The following DTNA variants were observed in gnomAD, a reference collection of about 807,000 sequenced individuals.
DTNA encodes the protein dystrophin-related protein 3.
In DTNA, 43 loss-of-function variants were observed where a neutral mutation model predicts 100.7. The ratio of observed to expected loss-of-function variants is 0.43; its 90% CI spans 0.33 to 0.55. The LOEUF (loss-of-function observed/expected upper bound fraction) is 0.55. Ranked by LOEUF, DTNA falls within the 20% of genes least tolerant of loss-of-function variation. The pLI is 0.04. For missense variants in DTNA, 798 were observed against 953.9 expected (o/e 0.84, Z 2.15); for synonymous variants, 349 against 347.9 (o/e 1.00, Z -0.04).
At chr18:34,494,287 C>A (rs2038923191) in intron 1 of DTNA, among the ~76,000 whole-genome samples, 1 of 144,058 alleles carries the variant, frequency 6.9e-6, no homozygotes, top group Non-Finnish European at 1.5e-5. Context: ...TTGCAGCCAG[C>A]GGCGTCCTTT....
chr18:34,533,439 T>C (rs1001305140), intron 1 of DTNA, among the ~76,000 whole-genome samples: 1 of 151,754 alleles, frequency 6.6e-6, no homozygotes, highest in East Asian at 1.9e-4. Flanking sequence ...CCCCAGTGTC[T>C]GATGTCTTCT....
chr18:34,741,215 C>T (rs1485611567), intron 1 of DTNA, among the ~76,000 whole-genome samples: 1 of 151,994 alleles, frequency 6.6e-6, no homozygotes, highest in Non-Finnish European at 1.5e-5. Context: ...ATAAAGTTCC[C>T]AGGAGCAGGC....
At chr18:34,836,872 A>G (rs554233556) in intron 11 of DTNA, among the ~76,000 whole-genome samples, 1 of 152,216 alleles carries the variant, frequency 6.6e-6, no homozygotes, top group African/African-American at 2.4e-5. Flanking sequence ...AATATACACT[A>G]TTATAAAGCA....
intron 4 of DTNA, among the ~76,000 whole-genome samples, chr18:34,796,424 C>G (rs2094972125): frequency 6.6e-6 from 1 of 152,206 alleles, no homozygotes. Context: ...GCGTGGAAAT[C>G]TGATGCCACT....
intron 3 of DTNA, among the ~76,000 whole-genome samples, chr18:34,790,346 G>GAATA (rs1555797391): frequency 5.9e-5 from 7 of 118,492 alleles, no homozygotes; most frequent in Admixed American, 7.7e-5. Flanking sequence ...CATGCAAGGG[G>GAATA]TATAAAACCC....
intron 1 of DTNA, among the ~76,000 whole-genome samples, chr18:34,669,554 A>G (rs534151794): frequency 6.6e-6 from 1 of 152,178 alleles, no homozygotes; most frequent in East Asian, 1.9e-4. Context: ...TGTTTTTGCA[A>G]TGGCTGGTAA....
intron 16 of DTNA, among the ~76,000 whole-genome samples, chr18:34,859,291 G>A (rs974392701): frequency 2.6e-5 from 4 of 151,628 alleles, no homozygotes; most frequent in Non-Finnish European, 4.4e-5. Context: ...CACAAACAAA[G>A]CAACAAAAGA....
intron 5 of DTNA, among the ~76,000 whole-genome samples, chr18:34,807,218 C>T (rs2095384317): frequency 6.6e-6 from 1 of 152,158 alleles, no homozygotes; most frequent in Non-Finnish European, 1.5e-5. Flanking sequence ...TTAACCCTAT[C>T]CTTTTCCCTA....
chr18:34,744,509 C>G (rs531063083), intron 1 of DTNA, among the ~76,000 whole-genome samples: 7 of 152,074 alleles, frequency 4.6e-5, no homozygotes, highest in African/African-American at 1.7e-4. Context: ...AGTCACATTT[C>G]CTATAACACA....
At chr18:34,690,464 C>T (rs143418335) in intron 1 of DTNA, among the ~76,000 whole-genome samples, 6 of 152,260 alleles carry the variant, frequency 3.9e-5, no homozygotes, top group Non-Finnish European at 8.8e-5. Context: ...TGGGCTATAC[C>T]CACTGTCTAA....
chr18:34,659,174 A>G (rs928402974), intron 1 of DTNA, among the ~76,000 whole-genome samples: 5 of 152,204 alleles, frequency 3.3e-5, no homozygotes, highest in African/African-American at 1.2e-4. Flanking sequence ...ATCCAATAGA[A>G]ACAGGATGCA....
chr18:34,656,294 C>T (rs2074359261), intron 1 of DTNA, among the ~76,000 whole-genome samples: 1 of 152,186 alleles, frequency 6.6e-6, no homozygotes, highest in African/African-American at 2.4e-5. Context: ...AAGTAAGCCA[C>T]TCATGAAAGT....
intron 1 of DTNA, among the ~76,000 whole-genome samples, chr18:34,659,535 T>C (rs2074870601): frequency 6.6e-6 from 1 of 152,144 alleles, no homozygotes; most frequent in African/African-American, 2.4e-5. Flanking sequence ...GCTTCTGATA[T>C]TTCAGCTCTC....
chr18:34,877,794 AAG>A lies in DTNA; in HGVS notation c.1982_1983del (p.Glu661AlafsTer4), dbSNP rs1204184261. ...ACTAACACTATGTCCTCTCTTGTGA[AAG>A]AGCTGAATTCTGGTGAGTTCCTGAT... On this transcript the variant is annotated frameshift_variant, in exon 19 of 23. Coordinates refer to ENST00000444659, the MANE Select transcript of DTNA (RefSeq NM_001386795.1). 1.2e-6 allele frequency: 2 copies of A among 1,613,908 alleles called. No individual in the cohort carries two copies. Among genetic ancestry groups the A allele is most frequent in the Non-Finnish European group, 1.7e-6 (2 of 1,179,870 alleles).
intron 1 of DTNA, among the ~76,000 whole-genome samples, chr18:34,587,294 T>C (rs1264732187): frequency 6.6e-6 from 1 of 152,048 alleles, no homozygotes; most frequent in East Asian, 1.9e-4. Flanking sequence ...AGACAAAACA[T>C]CCCTAACTTG....
intron 1 of DTNA, among the ~76,000 whole-genome samples, chr18:34,577,895 A>G (rs149719504): frequency 0.019 from 2,812 of 150,194 alleles, 43 homozygotes; most frequent in Non-Finnish European, 0.028. Flanking sequence ...CATTTTTGCA[A>G]TTGTAAATTG....
chr18:34,558,778 C>T lies in DTNA; in HGVS notation c.-2+65264C>T, dbSNP rs189427026. On this transcript the variant is annotated intron_variant, in intron 1 of 19. Transcript: ENST00000283365. ...ATATCTAGGGGAAGCAAAGGGAAGA[C>T]TAAGGACAAATATTCTGAGACTGAA... Among the ~76,000 whole-genome samples, 15 of 152,108 alleles carry T rather than the reference C, an allele frequency of 9.9e-5. No individual in the cohort carries two copies. The East Asian group carries it at 1.2e-3, about 12-fold the overall frequency.
chr18:34,813,171 T>C (rs2058306695), intron 6 of DTNA, among the ~76,000 whole-genome samples: 1 of 152,142 alleles, frequency 6.6e-6, no homozygotes, highest in Non-Finnish European at 1.5e-5. Context: ...AACTAACTTT[T>C]TTGTCCTCTA....
chr18:34,580,255 T>G (rs1045094968), intron 1 of DTNA, among the ~76,000 whole-genome samples: 1 of 152,182 alleles, frequency 6.6e-6, no homozygotes, highest in African/African-American at 2.4e-5. Flanking sequence ...AACATATCTA[T>G]CATAATTTTT....
Sources: gnomAD v4.1 joint callset for allele counts (sites outside exome capture counted in the v4.1 genomes callset) on GRCh38, gnomAD v4.1.1 for gene constraint, MANE v1.5 for transcripts, NCBI Gene and HGNC (gene_info 2026-07-23, HGNC 2026-07-21) for gene names.